HOXC13: variants seen among roughly 807,000 people sequenced by gnomAD.
The protein encoded by HOXC13 is homeobox C13.
Under a neutral mutation model 25.9 loss-of-function variants are expected in HOXC13, and 10 were observed. The ratio of observed to expected loss-of-function variants is 0.39; its 90% CI spans 0.24 to 0.65. The LOEUF is 0.65. Among genes scored for constraint, HOXC13 ranks in the 30% least tolerant of loss-of-function variants. HOXC13 has a pLI of 0.50. For missense variants in HOXC13, 439 were observed against 478.3 expected (o/e 0.92, Z 0.77); for synonymous variants, 233 against 217.1 (o/e 1.07, Z -0.64).
rs755975075 is a variant in HOXC13 at position 53,945,145 on chromosome 12, C to T, written c.882C>T (p.Ser294=). 1.9e-6 allele frequency: 3 copies of T among 1,614,056 alleles called. No individual in the cohort carries two copies. The highest frequency in any genetic ancestry group is 3.3e-5 in the Admixed American group (2 of 60,008). The part of the protein sequence containing the change: ...FITKEKRRRI[S]ATTNLSERQV... ...CCAAAGAGAAGCGCCGGCGCATCTC[C>T]GCCACCACGAACCTCTCTGAGCGCC... Residue 294 remains serine (S), a synonymous_variant, in exon 2 of 2, where the codon TCC becomes TCT. Transcript: ENST00000243056. The surrounding 1 kb of genome is among the most constrained non-coding windows in gnomAD (Gnocchi z 4.4).
At chr12:53,943,392 T>C (rs972508936) in intron 1 of HOXC13, among the ~76,000 whole-genome samples, 33 of 152,206 alleles carry the variant, frequency 2.2e-4, no homozygotes, top group Non-Finnish European at 2.4e-4. Context: ...AACTGAGAGA[T>C]TTAAAGATAA....
chr12:53,939,389 C>T lies in HOXC13; in HGVS notation c.483C>T (p.Pro161=), dbSNP rs768646673. The change falls in exon 1 of 2, where the codon CCC becomes CCT. Residue 161 remains proline, a synonymous_variant. Coordinates refer to ENST00000243056, the MANE Select transcript of HOXC13 (RefSeq NM_017410.3). The surrounding 1 kb of genome is among the most constrained non-coding windows in gnomAD (Gnocchi z 6.7). ...ACCCGGAGCCGTCGGGCGCCCTGCC[C>T]GGTGACGACCTGTCCTCTAGGGCCA... is the stretch of plus-strand genomic sequence containing the variant. ...DKYPEPSGAL[P]GDDLSSRAKE... 1.9e-6 allele frequency: 3 copies of T among 1,606,162 alleles called. No homozygotes were observed. The highest frequency in any genetic ancestry group is 1.1e-5 in the South Asian group (1 of 90,144).
chr12:53,939,660 GCGC>G lies in HOXC13; in HGVS notation c.736+30_736+32del, dbSNP rs764497130. ...CTTCCCAGGTAAGGAAGGGACCCGAGCGCCGCCGCCGCCGGGGACCCCTCCCCG... is the reference window on the plus strand; with the variant it reads ...CTTCCCAGGTAAGGAAGGGACCCGAGCGCCGCCGCCGGGGACCCCTCCCCG... On this transcript the variant is annotated intron_variant, in intron 1 of 1. Transcript: ENST00000243056. This position sits in a 1 kb window ranked among gnomAD's most constrained non-coding sequence, Gnocchi z 6.7. 7 of 1,377,406 alleles carry G rather than the reference GCGC, an allele frequency of 5.1e-6. No individual in the cohort carries two copies. Among genetic ancestry groups the G allele is most frequent in the South Asian group, 4.0e-5 (2 of 49,882 alleles). 85.3% of individuals were successfully genotyped at this position (1,377,406 alleles called of 1,614,324 possible).
chr12:53,942,189 T>C (rs1944728364), intron 1 of HOXC13, among the ~76,000 whole-genome samples: 1 of 83,588 alleles, frequency 1.2e-5, no homozygotes, highest in African/African-American at 4.2e-5. Context: ...TTTTTTTTTT[T>C]TTGAGAGAGA....
intron 1 of HOXC13, among the ~76,000 whole-genome samples, chr12:53,942,118 TG>T (rs1295238969): frequency 2.1e-4 from 16 of 75,196 alleles, no homozygotes; most frequent in Admixed American, 2.0e-3. Flanking sequence ...TTTATTGCTC[TG>T]GTTTTTTTTT....
In HOXC13 at chr12:53,945,094, G is replaced by A; in HGVS notation, c.831G>A (p.Lys277=). 6 of 1,614,210 alleles carry A rather than the reference G, an allele frequency of 3.7e-6. No homozygotes were observed. The highest frequency in any genetic ancestry group is 5.1e-6 in the Non-Finnish European group (6 of 1,180,040). ...YTKVQLKELE[K]EYAASKFITK... is the part of the protein sequence containing the mutation. ...AGGTGCAGCTGAAGGAGCTAGAGAAGGAATACGCGGCTAGCAAGTTCATCA... is the reference window on the plus strand; with the variant it reads ...AGGTGCAGCTGAAGGAGCTAGAGAAAGAATACGCGGCTAGCAAGTTCATCA... Residue 277 remains lysine (K), a synonymous_variant, in exon 2 of 2, where the codon AAG becomes AAA. Transcript: ENST00000243056. This position sits in a 1 kb window ranked among gnomAD's most constrained non-coding sequence, Gnocchi z 4.4.
chr12:53,943,689 T>C (rs1023629695), intron 1 of HOXC13, among the ~76,000 whole-genome samples: 3 of 152,142 alleles, frequency 2.0e-5, no homozygotes, highest in African/African-American at 7.2e-5. Context: ...GCAGACCCAA[T>C]GGGGATGGGT....
In HOXC13 at chr12:53,939,237, C is replaced by T; in HGVS notation, c.331C>T (p.Pro111Ser). 1 of 1,539,560 alleles carries T rather than the reference C, an allele frequency of 6.5e-7. No homozygotes were observed. The highest frequency in any genetic ancestry group is 8.7e-7 in the Non-Finnish European group (1 of 1,144,422). Residue 111 changes from proline (P) to serine (S), a missense_variant, in exon 1 of 2, where the codon CCC becomes TCC. Transcript: ENST00000243056. The surrounding 1 kb of genome is among the most constrained non-coding windows in gnomAD (Gnocchi z 6.7). Reference sequence around the variant, plus strand: ...GCGCCAGTGTGCCCCGCCGCCCGCACCCCCCACCTCGTCCAGCGCCACCCT... The same window carrying T: ...GCGCCAGTGTGCCCCGCCGCCCGCATCCCCCACCTCGTCCAGCGCCACCCT... ...AARQCAPPPA[P>S]PTSSSATLGY...
chr12:53,938,931 C>A lies in HOXC13; in HGVS notation c.25C>A (p.Pro9Thr). 1 of 1,559,920 alleles carries A rather than the reference C, an allele frequency of 6.4e-7. No homozygotes were observed. The highest frequency in any genetic ancestry group is 1.8e-5 in the Admixed American group (1 of 56,690). Residue 9 changes from proline (P) to threonine (T), a missense_variant, in exon 1 of 2, where the codon CCA becomes ACA. Physicochemically the swap from Pro to Thr is conservative, Grantham distance 38 (BLOSUM62 -1). Coordinates refer to ENST00000243056, the MANE Select transcript of HOXC13 (RefSeq NM_017410.3). Reference sequence around the variant, plus strand: ...CATGACGACTTCGCTGCTCCTGCATCCACGCTGGCCGGAGAGCCTTATGTA... The same window carrying A: ...CATGACGACTTCGCTGCTCCTGCATACACGCTGGCCGGAGAGCCTTATGTA... Reference protein sequence around the residue: MTTSLLLHPRWPESLMYVY... With the variant: MTTSLLLHTRWPESLMYVY...
chr12:53,943,923 C>G (rs907716046), intron 1 of HOXC13, among the ~76,000 whole-genome samples: 2 of 152,198 alleles, frequency 1.3e-5, no homozygotes, highest in African/African-American at 4.8e-5. Flanking sequence ...CCCACTTCCC[C>G]TTGAAAGTGT....
At position 53,939,688 on chromosome 12, in the gene HOXC13, G is replaced by A. The variant is rs952244715; in HGVS notation, c.736+46G>A. ...CCGCCGCCGCCGGGGACCCCTCCCC[G>A]CCCTGCCTGCCCCGGGGCTCCGCGC... On this transcript the variant is annotated intron_variant, in intron 1 of 1. Coordinates refer to ENST00000243056, the MANE Select transcript of HOXC13 (RefSeq NM_017410.3). This position sits in a 1 kb window ranked among gnomAD's most constrained non-coding sequence, Gnocchi z 6.7. 3.8e-6 allele frequency: 5 copies of A among 1,308,870 alleles called. No individual in the cohort carries two copies. The highest frequency in any genetic ancestry group is 4.9e-6 in the Non-Finnish European group (5 of 1,027,516). 81.1% of individuals were successfully genotyped at this position (1,308,870 alleles called of 1,614,324 possible). A position where few individuals can be genotyped will look rare whatever the true frequency, so the allele number is the denominator to read the frequency against.
chr12:53,940,553 C>T (rs895144542), intron 1 of HOXC13, among the ~76,000 whole-genome samples: 6 of 152,174 alleles, frequency 3.9e-5, no homozygotes, highest in South Asian at 4.1e-4. Flanking sequence ...CCTCTTGTTC[C>T]GTCTCCAGTT....
Position 53,939,520 on chromosome 12 carries a change from A to C in HOXC13, c.614A>C (p.His205Pro), listed in dbSNP as rs1483401264. ...PGISGHPEPR[H>P]DALIPVEGYQ... Reference sequence around the variant, plus strand: ...ATCAGCGGGCACCCGGAGCCGCGTCACGACGCCCTCATCCCCGTCGAAGGC... The same window carrying C: ...ATCAGCGGGCACCCGGAGCCGCGTCCCGACGCCCTCATCCCCGTCGAAGGC... The change falls in exon 1 of 2, where the codon CAC becomes CCC. Residue 205 changes from histidine (H) to proline (P), a missense_variant. His to Pro is a moderately conservative substitution (Grantham distance 77). Coordinates refer to ENST00000243056, the MANE Select transcript of HOXC13 (RefSeq NM_017410.3). The surrounding 1 kb of genome is among the most constrained non-coding windows in gnomAD (Gnocchi z 6.7). The C allele has an allele frequency of 1.2e-6, 2 of 1,611,922 alleles. No individual in the cohort carries two copies. Among genetic ancestry groups the C allele is most frequent in the Non-Finnish European group, 1.7e-6 (2 of 1,179,838 alleles).
intron 1 of HOXC13, among the ~76,000 whole-genome samples, chr12:53,943,446 T>C (rs1938643516): frequency 1.3e-5 from 2 of 152,250 alleles, no homozygotes; most frequent in South Asian, 4.1e-4. Context: ...AAAGGATCCA[T>C]ACTGTTTAAA....
At chr12:53,942,133 T>C (rs1191680822) in intron 1 of HOXC13, among the ~76,000 whole-genome samples, 1 of 139,748 alleles carries the variant, frequency 7.2e-6, no homozygotes, top group Non-Finnish European at 1.6e-5. Context: ...TTTTTTTTTT[T>C]CTCCCTACGG....
Position 53,945,173 on chromosome 12 carries a change from G to C in HOXC13, c.910G>C (p.Val304Leu), listed in dbSNP as rs1156231231. ...SATTNLSERQ[V>L]TIWFQNRRVK... ...CACCACGAACCTCTCTGAGCGCCAG[G>C]TAACCATCTGGTTCCAGAACCGGCG... The change falls in exon 2 of 2, where the codon GTA (valine) becomes CTA (leucine). Residue 304 changes from valine to leucine, a missense_variant. Transcript: ENST00000243056. The surrounding 1 kb of genome is among the most constrained non-coding windows in gnomAD (Gnocchi z 4.4). 6.2e-7 allele frequency: 1 copy of C among 1,614,070 alleles called. No homozygotes were observed. The highest frequency in any genetic ancestry group is 2.2e-5 in the East Asian group (1 of 44,896).
rs1034716789 is a variant in HOXC13, at chr12:53,938,958, G to A, written c.52G>A (p.Val18Ile). 22 of 1,549,290 alleles carry A rather than the reference G, an allele frequency of 1.4e-5. No homozygotes were observed. Among genetic ancestry groups the A allele is most frequent in the East Asian group, 2.5e-5 (1 of 40,508 alleles). Residue 18 changes from valine (V) to isoleucine (I), a missense_variant, in exon 1 of 2, where the codon GTC (valine) becomes ATC (isoleucine). Physicochemically the swap from Val to Ile is conservative, Grantham distance 29. Transcript: ENST00000243056. ...HPRWPESLMY[V>I]YEDSAAESGI... Reference sequence around the variant, plus strand: ...ACGCTGGCCGGAGAGCCTTATGTACGTCTATGAGGACAGCGCGGCGGAGAG... The same window carrying A: ...ACGCTGGCCGGAGAGCCTTATGTACATCTATGAGGACAGCGCGGCGGAGAG...
In HOXC13 at chr12:53,939,207, G is replaced by T. The variant is rs1383523368; in HGVS notation, c.301G>T (p.Ala101Ser). ...AVYTDIPAPE[A>S]ARQCAPPPAP... ...CTATACGGACATCCCGGCCCCGGAG[G>T]CGGCGCGCCAGTGTGCCCCGCCGCC... The change falls in exon 1 of 2, where the codon GCG (alanine) becomes TCG (serine). Residue 101 changes from alanine to serine, a missense_variant. Coordinates refer to ENST00000243056, the MANE Select transcript of HOXC13 (RefSeq NM_017410.3). This position sits in a 1 kb window ranked among gnomAD's most constrained non-coding sequence, Gnocchi z 6.7. 6.5e-7 allele frequency: 1 copy of T among 1,530,414 alleles called. No individual in the cohort carries two copies. Among genetic ancestry groups the T allele is most frequent in the Non-Finnish European group, 8.8e-7 (1 of 1,142,456 alleles). 94.8% of individuals were successfully genotyped at this position (1,530,414 alleles called of 1,614,324 possible).
chr12:53,940,737 G>C lies in HOXC13; in HGVS notation c.736+1095G>C, dbSNP rs567368151. Among the ~76,000 whole-genome samples, 7 of 152,276 alleles carry C rather than the reference G, an allele frequency of 4.6e-5. No homozygotes were observed. The East Asian group carries it at 1.4e-3, about 29-fold the overall frequency. ...TCTCCCTGTAAGCAGAGCTCAGTGG[G>C]AGAGCGTTCTCCCTTCTGATACCTA... On this transcript the variant is annotated intron_variant, in intron 1 of 1. Coordinates refer to ENST00000243056, the MANE Select transcript of HOXC13 (RefSeq NM_017410.3).
Sources: allele counts gnomAD v4.1 joint callset (sites outside exome capture counted in the v4.1 genomes callset), GRCh38; gene constraint gnomAD v4.1.1; non-coding constraint Gnocchi (gnomAD v3.1); transcripts MANE v1.5; gene names NCBI Gene and HGNC (gene_info 2026-07-23, HGNC 2026-07-21).